ANKRD30BL: variants seen among roughly 807,000 people sequenced by gnomAD.
ANKRD30BL encodes ankyrin repeat domain 30B like, also known as putative ankyrin repeat domain-containing protein 30B-like.
ANKRD30BL carries 20 observed loss-of-function variants against 18.4 expected under a neutral mutation model. The observed-to-expected ratio is 1.09, with a 90% confidence interval of 0.77 to 1.58. The LOEUF is 1.58. Ranked by LOEUF, ANKRD30BL falls within the 40% of genes most tolerant of loss-of-function variation. ANKRD30BL has a pLI of 0.00. For missense variants in ANKRD30BL, 224 were observed against 268.6 expected, an observed-to-expected ratio of 0.83 and a Z score of 1.16; for synonymous variants, 72 against 100.9, an observed-to-expected ratio of 0.71 and a Z score of 1.72.
At chr2:132,185,126 G>A (rs1233385002) in intron 1 of ANKRD30BL, among the ~76,000 whole-genome samples, 1 of 152,050 alleles carries the variant, frequency 6.6e-6, no homozygotes, top group African/African-American at 2.4e-5. Flanking sequence ...ACTCTTTAAA[G>A]TACTCAACCT....
chr2:132,256,493 C>T lies in ANKRD30BL; in HGVS notation n.441+1036G>A, dbSNP rs943367814. On this transcript the variant is annotated intron_variant and non_coding_transcript_variant, in intron 1 of 4. Transcript: ENST00000470729. ...ATGCGCGGAGGGCGCGGGGCGGCCC[C>T]GACGTTTGGGCAGCGAAGGAGAGGC... Among the ~76,000 whole-genome samples the T allele has an allele frequency of 3.3e-5, 5 of 152,342 alleles. No individual in the cohort carries two copies. In the East Asian group the frequency reaches 9.7e-4, roughly 29 times the overall value.
chr2:132,194,680 T>G (rs1678928422), intron 1 of ANKRD30BL, among the ~76,000 whole-genome samples: 1 of 152,236 alleles, frequency 6.6e-6, no homozygotes. Flanking sequence ...CTTCTCCTGC[T>G]TCCTCCTTCT....
chr2:132,232,431 CT>C (rs1312320548), intron 1 of ANKRD30BL, among the ~76,000 whole-genome samples: 1 of 152,056 alleles, frequency 6.6e-6, no homozygotes, highest in African/African-American at 2.4e-5. Flanking sequence ...AAGTTGAAAA[CT>C]TTGAAAAAAA....
chr2:132,156,749 T>G (rs1487944094), intron 3 of ANKRD30BL: 1 of 258,536 alleles, frequency 3.9e-6, no homozygotes, highest in African/African-American at 2.2e-5. Flanking sequence ...TGTTTTACCT[T>G]TAACAAATTT....
At chr2:132,177,383 A>T (rs1688382679) in intron 1 of ANKRD30BL, among the ~76,000 whole-genome samples, 1 of 152,078 alleles carries the variant, frequency 6.6e-6, no homozygotes, top group South Asian at 2.1e-4. Flanking sequence ...CGATATCTAG[A>T]TCTCATTATC....
chr2:132,153,102 C>T (rs1687802725), intron 4 of ANKRD30BL, among the ~76,000 whole-genome samples: 1 of 152,112 alleles, frequency 6.6e-6, no homozygotes, highest in Admixed American at 6.6e-5. Context: ...GGCAACGATG[C>T]AGCAATAGAA....
intron 1 of ANKRD30BL, among the ~76,000 whole-genome samples, chr2:132,233,253 G>A (rs1447038647): frequency 7.2e-5 from 11 of 151,772 alleles, no homozygotes; most frequent in South Asian, 2.1e-4. Context: ...AAAGACCATC[G>A]AGACTAGGAA....
intron 1 of ANKRD30BL, among the ~76,000 whole-genome samples, chr2:132,204,500 A>G (rs539942050): frequency 6.5e-4 from 93 of 143,972 alleles, no homozygotes; most frequent in African/African-American, 2.2e-3. Flanking sequence ...ATGTATATAT[A>G]GTATATATAT....
At chr2:132,164,033 G>A (rs1688141521), upstream of ANKRD30BL, among the ~76,000 whole-genome samples, 1 of 151,984 alleles carries the variant, frequency 6.6e-6, no homozygotes, top group African/African-American at 2.4e-5. Flanking sequence ...GATCATTCCG[G>A]CCTTCTCCCC....
At chr2:132,199,576 G>A (rs533776880) in intron 1 of ANKRD30BL, among the ~76,000 whole-genome samples, 177 of 150,854 alleles carry the variant, frequency 1.2e-3, no homozygotes, top group African/African-American at 3.6e-3. Context: ...GCGGGATCTC[G>A]GCTCACTTCA....
intron 1 of ANKRD30BL, among the ~76,000 whole-genome samples, chr2:132,171,154 C>A (rs866828461): frequency 0.011 from 1,317 of 120,098 alleles, no homozygotes; most frequent in African/African-American, 0.014. Flanking sequence ...GACTCTGTCT[C>A]AAAAAAAAAA....
At chr2:132,236,506 C>CA (rs1284858696) in intron 1 of ANKRD30BL, among the ~76,000 whole-genome samples, 2 of 151,862 alleles carry the variant, frequency 1.3e-5, no homozygotes, top group Non-Finnish European at 2.9e-5. Flanking sequence ...TTTATGCAGC[C>CA]AAAAAACACA....
At chr2:132,237,609 G>C (rs113925837) in intron 1 of ANKRD30BL, among the ~76,000 whole-genome samples, 2 of 151,926 alleles carry the variant, frequency 1.3e-5, no homozygotes, top group African/African-American at 4.8e-5. Flanking sequence ...GCTGGAAACG[G>C]GTATGTCTTC....
chr2:132,180,127 G>A (rs1355229782), intron 1 of ANKRD30BL, among the ~76,000 whole-genome samples: 2 of 151,888 alleles, frequency 1.3e-5, no homozygotes, highest in Non-Finnish European at 2.9e-5. Flanking sequence ...AATGTCCTAG[G>A]CCTTCATATT....
At chr2:132,199,839 T>A (rs549211945) in intron 1 of ANKRD30BL, among the ~76,000 whole-genome samples, 2 of 152,228 alleles carry the variant, frequency 1.3e-5, no homozygotes, top group African/African-American at 4.8e-5. Context: ...GAGGGCAATA[T>A]ACGGGTAGAG....
At chr2:132,256,189 C>G (rs889212614) in intron 1 of ANKRD30BL, among the ~76,000 whole-genome samples, 1 of 152,186 alleles carries the variant, frequency 6.6e-6, no homozygotes, top group Non-Finnish European at 1.5e-5. Context: ...ATAGGATCAA[C>G]CAGGTAGGTA....
chr2:132,255,328 T>G (rs4991580), intron 1 of ANKRD30BL, among the ~76,000 whole-genome samples: 1 of 150,132 alleles, frequency 6.7e-6, no homozygotes, highest in African/African-American at 2.5e-5. Context: ...AAAATAGAAC[T>G]GTGGTCCTAT....
At chr2:132,227,121 TG>T (rs1362696523) in intron 1 of ANKRD30BL, among the ~76,000 whole-genome samples, 2 of 152,090 alleles carry the variant, frequency 1.3e-5, no homozygotes, top group African/African-American at 4.8e-5. Flanking sequence ...TTCATTTTCA[TG>T]GGGCAGTTTT....
At chr2:132,199,862 A>C (rs1316043570) in intron 1 of ANKRD30BL, among the ~76,000 whole-genome samples, 3 of 152,182 alleles carry the variant, frequency 2.0e-5, no homozygotes, top group Non-Finnish European at 4.4e-5. Context: ...ACAACCAAAA[A>C]AGAGAATTTT....
Sources: gnomAD v4.1 joint callset for allele counts (sites outside exome capture counted in the v4.1 genomes callset) on GRCh38, gnomAD v4.1.1 for gene constraint, MANE v1.5 for transcripts, NCBI Gene and HGNC (gene_info 2026-07-23, HGNC 2026-07-21) for gene names.